Variants in LONP2 observed in about 807,000 individuals in gnomAD.
The protein encoded by LONP2 is lon peptidase 2, peroxisomal, also known as lon protease homolog 2, peroxisomal.
Under a neutral mutation model 85.6 loss-of-function variants are expected in LONP2, and 60 were observed. That is an observed-to-expected ratio of 0.70 (90% CI 0.57 to 0.87). LONP2 has a LOEUF of 0.87. Among genes scored for constraint, LONP2 ranks in the 40% least tolerant of loss-of-function variants. The pLI is 0.00. For missense variants in LONP2, 860 were observed against 1,063.5 expected, an observed-to-expected ratio of 0.81 and a Z score of 2.66; for synonymous variants, 395 against 389.7, an observed-to-expected ratio of 1.01 and a Z score of -0.16.
Position 48,296,026 on chromosome 16 carries a change from T to C in LONP2, c.1395T>C (p.Pro465=). 6.2e-7 allele frequency: 1 copy of C among 1,614,138 alleles called. No individual in the cohort carries two copies. Among genetic ancestry groups the C allele is most frequent in the Non-Finnish European group, 8.5e-7 (1 of 1,180,008 alleles). The stretch of plus-strand genomic sequence containing the variant: ...TTGTTCTCCCCTAGGTGTTGGATCC[T>C]GAACAAAACCATAACTTCACAGATC... The part of the protein sequence containing the change: ...PAAALLEVLD[P]EQNHNFTDHY... Residue 465 remains proline (P), a synonymous_variant, in exon 9 of 15, where the codon CCT becomes CCC. Coordinates refer to ENST00000285737, the MANE Select transcript of LONP2 (RefSeq NM_031490.5).
In LONP2 at chr16:48,352,008, G is replaced by A; in HGVS notation, c.*206G>A. ...GTAAACTGATAAAAATCGAATTCTT[G>A]TCTTTTTAGTGGGATCCTTACTGTC... On this transcript the variant is annotated 3_prime_UTR_variant, in exon 15 of 15. Transcript: ENST00000285737. 1.7e-6 allele frequency: 1 copy of A among 579,756 alleles called. No individual in the cohort carries two copies. Among genetic ancestry groups the A allele is most frequent in the Non-Finnish European group, 3.1e-6 (1 of 327,830 alleles). The allele number at this position is 579,756 out of a possible 1,614,324, so 35.9% of individuals were successfully genotyped here. A position where few individuals can be genotyped will look rare whatever the true frequency, so the allele number is the denominator to read the frequency against.
At chr16:48,314,996 C>T (rs988538053) in intron 11 of LONP2, among the ~76,000 whole-genome samples, 2 of 152,138 alleles carry the variant, frequency 1.3e-5, no homozygotes, top group Non-Finnish European at 2.9e-5. Flanking sequence ...TTAATTTCTT[C>T]CCTAATATGT....
At position 48,270,127 on chromosome 16, in the gene LONP2, A is replaced by C; in HGVS notation, c.1094A>C (p.Asn365Thr). The change falls in exon 7 of 15, where the codon AAC becomes ACC. Residue 365 changes from asparagine (N) to threonine (T), a missense_variant. Asn to Thr is a moderately conservative substitution (Grantham distance 65). This residue lies in a region of LONP2 where 743 missense variants were observed against 917.3 expected (regional missense o/e 0.81). Coordinates refer to ENST00000285737, the MANE Select transcript of LONP2 (RefSeq NM_031490.5). ...TTGGCTGTCAGACAGCTCAAAAATA[A>C]CCTGAAGGGCCCAATCCTATGCTTT... ...EYLAVRQLKNNLKGPILCFVG... is the reference protein window; with the variant it reads ...EYLAVRQLKNTLKGPILCFVG... 6.2e-7 allele frequency: 1 copy of C among 1,614,060 alleles called. No individual in the cohort carries two copies. The highest frequency in any genetic ancestry group is 8.5e-7 in the Non-Finnish European group (1 of 1,179,978).
intron 11 of LONP2, among the ~76,000 whole-genome samples, chr16:48,307,635 AGAAAGAACCTG>A (rs1338066794): frequency 6.6e-6 from 1 of 151,940 alleles, no homozygotes; most frequent in Non-Finnish European, 1.5e-5. Flanking sequence ...TACATTAAAC[AGAAAGAACCTG>A]GGTAGATACT....
At position 48,357,126 on chromosome 16, in the gene LONP2, T is replaced by A. The variant is rs890547657; in HGVS notation, c.*5324T>A. 2.0e-5 allele frequency: 3 copies of A among 152,316 alleles called. No individual in the cohort carries two copies. The highest frequency in any genetic ancestry group is 3.8e-4 in the East Asian group (2 of 5,202). The allele number at this position is 152,316 out of a possible 1,614,324, so 9.4% of individuals were successfully genotyped here. A position where few individuals can be genotyped will look rare whatever the true frequency, so the allele number is the denominator to read the frequency against. On this transcript the variant is annotated 3_prime_UTR_variant, in exon 15 of 15. Transcript: ENST00000285737. ...CATAATAAGCACTTTATAGCACATC[T>A]AGCCTTCCTCATTCCCTTACGCAGT...
intron 8 of LONP2, among the ~76,000 whole-genome samples, chr16:48,290,494 C>T (rs1352735520): frequency 6.6e-6 from 1 of 152,172 alleles, no homozygotes; most frequent in Admixed American, 6.6e-5. Flanking sequence ...GAGTTGACTT[C>T]CAGAACGTGT....
intron 11 of LONP2, among the ~76,000 whole-genome samples, chr16:48,333,647 C>CA (rs111794033): frequency 4.3e-3 from 378 of 87,476 alleles, no homozygotes; most frequent in Admixed American, 7.0e-3. Context: ...GACACCATCT[C>CA]AAAAAAAAAA....
intron 11 of LONP2, among the ~76,000 whole-genome samples, chr16:48,308,262 G>T (rs1972954023): frequency 2.0e-5 from 3 of 152,146 alleles, no homozygotes; most frequent in Non-Finnish European, 4.4e-5. Context: ...TCAGTAAATG[G>T]TGCTGAGAAA....
intron 12 of LONP2, chr16:48,343,832 C>T (rs1959889486): frequency 1.3e-5 from 2 of 152,084 alleles, no homozygotes; most frequent in Non-Finnish European, 2.9e-5. Flanking sequence ...TTTCATGGAA[C>T]AAGATTTATT....
intron 11 of LONP2, among the ~76,000 whole-genome samples, chr16:48,307,633 A>G (rs1972939035): frequency 6.6e-6 from 1 of 151,950 alleles, no homozygotes; most frequent in Non-Finnish European, 1.5e-5. Context: ...GTTACATTAA[A>G]CAGAAAGAAC....
intron 14 of LONP2, among the ~76,000 whole-genome samples, chr16:48,349,536 GGA>G (rs1337257934): frequency 6.6e-6 from 1 of 152,174 alleles, no homozygotes. Context: ...TGCAGCCTCA[GGA>G]GAGACAGCCA....
At chr16:48,330,874 C>T (rs1436438178) in intron 11 of LONP2, among the ~76,000 whole-genome samples, 1 of 152,170 alleles carries the variant, frequency 6.6e-6, no homozygotes, top group African/African-American at 2.4e-5. Flanking sequence ...GGTCTAGTTG[C>T]ATTAGAAATA....
At chr16:48,281,378 A>G (rs1972323908) in intron 8 of LONP2, among the ~76,000 whole-genome samples, 1 of 152,178 alleles carries the variant, frequency 6.6e-6, no homozygotes, top group Admixed American at 6.5e-5. Context: ...TCTCTTTTGA[A>G]AATTTATTGG....
chr16:48,302,004 T>G (rs1424274927), intron 10 of LONP2, among the ~76,000 whole-genome samples: 1 of 152,222 alleles, frequency 6.6e-6, no homozygotes, highest in Non-Finnish European at 1.5e-5. Context: ...TTGAACACAG[T>G]GTTTCAGATA....
At chr16:48,345,525 ATAAC>A (rs1959936377) in intron 12 of LONP2, 1 of 152,226 alleles carries the variant, frequency 6.6e-6, no homozygotes, top group African/African-American at 2.4e-5. Flanking sequence ...AGTTTTATAA[ATAAC>A]TGTTTCATGA....
At chr16:48,347,149 T>C (rs1235995534) in intron 12 of LONP2, among the ~76,000 whole-genome samples, 1 of 152,120 alleles carries the variant, frequency 6.6e-6, no homozygotes, top group Non-Finnish European at 1.5e-5. Context: ...AGTGAGACTG[T>C]CTCAAAATAT....
Position 48,354,913 on chromosome 16 carries a change from G to A in LONP2, c.*3111G>A, listed in dbSNP as rs1960283829. 1 of 152,120 alleles carries A rather than the reference G, an allele frequency of 6.6e-6. No homozygotes were observed. The highest frequency in any genetic ancestry group is 2.4e-5 in the African/African-American group (1 of 41,410). The allele number at this position is 152,120 out of a possible 1,614,324, so 9.4% of individuals were successfully genotyped here. A position where few individuals can be genotyped will look rare whatever the true frequency, so the allele number is the denominator to read the frequency against. The stretch of plus-strand genomic sequence containing the variant: ...CTTTGTTTCACATCTCTGCCTTGCA[G>A]AACCATGACCTATCAAGGTGTTTTG... On this transcript the variant is annotated 3_prime_UTR_variant, in exon 15 of 15. Transcript: ENST00000285737.
chr16:48,314,760 TTATGTG>T (rs1385102032), intron 11 of LONP2, among the ~76,000 whole-genome samples: 1 of 152,226 alleles, frequency 6.6e-6, no homozygotes, highest in Admixed American at 6.5e-5. Flanking sequence ...TATTTGATCT[TTATGTG>T]TATATTATTG....
intron 2 of LONP2, among the ~76,000 whole-genome samples, chr16:48,254,133 C>T (rs978901954): frequency 3.3e-5 from 5 of 152,094 alleles, no homozygotes; most frequent in Admixed American, 3.3e-4. Flanking sequence ...CATCCCATTC[C>T]CTTGAGTAAA....
Sources: gnomAD v4.1 joint callset for allele counts (sites outside exome capture counted in the v4.1 genomes callset) on GRCh38, gnomAD v4.1.1 for gene constraint, gnomAD v4.1.1 regional missense constraint, MANE v1.5 for transcripts, NCBI Gene and HGNC (gene_info 2026-07-23, HGNC 2026-07-21) for gene names.